WDFY2: variants seen among roughly 807,000 people sequenced by gnomAD.
WDFY2 encodes the protein WD repeat and FYVE domain containing 2.
In WDFY2, 36 loss-of-function variants were observed where a neutral mutation model predicts 56.4. The observed-to-expected ratio is 0.64, with a 90% CI of 0.49 to 0.84. WDFY2 has a LOEUF of 0.84. Among genes scored for constraint, WDFY2 ranks in the 40% least tolerant of loss-of-function variants. The pLI is 0.00. For synonymous variants in WDFY2, 176 were observed against 183.7 expected, an observed-to-expected ratio of 0.96 and a Z score of 0.34; for missense variants, 444 against 512.2, an observed-to-expected ratio of 0.87 and a Z score of 1.29.
intron 1 of WDFY2, among the ~76,000 whole-genome samples, chr13:51,653,148 A>T (rs1955432832): frequency 6.6e-6 from 1 of 152,052 alleles, no homozygotes; most frequent in Admixed American, 6.5e-5. Context: ...GCTTCATTTC[A>T]TTCACTTGAT....
chr13:51,624,564 C>T (rs927267858), intron 1 of WDFY2, among the ~76,000 whole-genome samples: 7 of 152,164 alleles, frequency 4.6e-5, no homozygotes, highest in African/African-American at 7.2e-5. Flanking sequence ...CACCATGGAG[C>T]TTATGTTCTT....
At chr13:51,692,766 G>A (rs1406878599) in intron 3 of WDFY2, among the ~76,000 whole-genome samples, 10 of 152,100 alleles carry the variant, frequency 6.6e-5, no homozygotes, top group Non-Finnish European at 1.3e-4. Context: ...TTCAGAAGGA[G>A]TGGTACCAGT....
intron 1 of WDFY2, among the ~76,000 whole-genome samples, chr13:51,651,953 C>G (rs998066502): frequency 6.6e-6 from 1 of 152,096 alleles, no homozygotes; most frequent in Non-Finnish European, 1.5e-5. Context: ...CCTGGATATC[C>G]TTGTTAACTT....
At chr13:51,728,650 G>T (rs1312929022) in intron 6 of WDFY2, among the ~76,000 whole-genome samples, 2 of 151,920 alleles carry the variant, frequency 1.3e-5, no homozygotes, top group Non-Finnish European at 2.9e-5. Flanking sequence ...GCTTCCTAAA[G>T]GGAAAAAATG....
intron 3 of WDFY2, among the ~76,000 whole-genome samples, chr13:51,692,365 C>A (rs191207675): frequency 8.5e-4 from 129 of 152,272 alleles, no homozygotes; most frequent in African/African-American, 3.0e-3. Flanking sequence ...TGAAATACGT[C>A]CCATCAATAC....
At chr13:51,604,971 CA>C (rs1328959093) in intron 1 of WDFY2, among the ~76,000 whole-genome samples, 1 of 152,210 alleles carries the variant, frequency 6.6e-6, no homozygotes, top group East Asian at 1.9e-4. Flanking sequence ...TGTATGCTCT[CA>C]GACAAGGTAC....
intron 3 of WDFY2, among the ~76,000 whole-genome samples, chr13:51,692,013 A>G (rs1379759064): frequency 6.6e-6 from 1 of 151,810 alleles, no homozygotes. Flanking sequence ...TTGGTGTATA[A>G]GAATGCTTGT....
chr13:51,624,533 TAAAC>T (rs1203292148), intron 1 of WDFY2, among the ~76,000 whole-genome samples: 1 of 152,182 alleles, frequency 6.6e-6, no homozygotes, highest in Non-Finnish European at 1.5e-5. Flanking sequence ...CTAATATTAG[TAAAC>T]AAACAAAGAT....
At chr13:51,653,929 A>G (rs1314252743) in intron 1 of WDFY2, among the ~76,000 whole-genome samples, 1 of 152,202 alleles carries the variant, frequency 6.6e-6, no homozygotes, top group African/African-American at 2.4e-5. Context: ...ACTCTCTTCA[A>G]GGCTGTCAGA....
chr13:51,605,142 G>C lies in WDFY2; in HGVS notation c.137+20318G>C, dbSNP rs189568339. On this transcript the variant is annotated intron_variant, in intron 1 of 11. Coordinates refer to ENST00000298125, the MANE Select transcript of WDFY2 (RefSeq NM_052950.4). ...CACTGAGGAATGGCCATCAGGGAAG[G>C]CCTTGGAAAGAGATGGGTGCTCACT... Among the ~76,000 whole-genome samples the C allele has an allele frequency of 1.0e-3, 154 of 152,344 alleles. 1 individual carries two copies. The highest frequency in any genetic ancestry group is 3.7e-3 in the African/African-American group (152 of 41,582).
chr13:51,608,555 G>A (rs1214590050), intron 1 of WDFY2, among the ~76,000 whole-genome samples: 1 of 152,210 alleles, frequency 6.6e-6, no homozygotes, highest in Admixed American at 6.5e-5. Context: ...GGTGGCGCAT[G>A]CCTGTAATCC....
At chr13:51,586,981 T>C (rs959572404) in intron 1 of WDFY2, 7 of 152,246 alleles carry the variant, frequency 4.6e-5, no homozygotes, top group Non-Finnish European at 1.5e-5. Flanking sequence ...CAAAATTCAA[T>C]GTTAATGTCA....
At chr13:51,623,497 C>T (rs769895375) in intron 1 of WDFY2, among the ~76,000 whole-genome samples, 33 of 152,006 alleles carry the variant, frequency 2.2e-4, no homozygotes, top group Non-Finnish European at 4.3e-4. Context: ...TCCTGGATTA[C>T]TGCCTAAGGT....
At chr13:51,642,494 C>T (rs1955186844) in intron 1 of WDFY2, among the ~76,000 whole-genome samples, 1 of 151,800 alleles carries the variant, frequency 6.6e-6, no homozygotes, top group African/African-American at 2.4e-5. Flanking sequence ...GATGGGATTT[C>T]ACCATGTTGC....
At chr13:51,701,520 CAAAAAA>C (rs368134096) in intron 3 of WDFY2, among the ~76,000 whole-genome samples, 2 of 79,570 alleles carry the variant, frequency 2.5e-5, no homozygotes, top group African/African-American at 5.8e-5. Context: ...GATTCCATCT[CAAAAAA>C]AAAAAAAAAA....
rs567164644 is a variant in WDFY2 at position 51,709,978 on chromosome 13, A to C, written c.334+6328A>C. ...GATACCAAAGCCTGGCAGAGACACA[A>C]CAAAAAAAAAGAGAATTTTAGACCA... On this transcript the variant is annotated intron_variant, in intron 4 of 11. Coordinates refer to ENST00000298125, the MANE Select transcript of WDFY2 (RefSeq NM_052950.4). Among the ~76,000 whole-genome samples, 698 of 151,268 alleles carry C rather than the reference A, an allele frequency of 4.6e-3. 4 individuals are homozygous for C. The highest frequency in any genetic ancestry group is 0.016 in the African/African-American group (657 of 40,638).
intron 8 of WDFY2, chr13:51,752,802 T>C (rs1157474930): frequency 6.6e-6 from 1 of 152,226 alleles, no homozygotes; most frequent in African/African-American, 2.4e-5. Flanking sequence ...GTTCCATTCA[T>C]TTTTTTGCAA....
chr13:51,660,726 A>G (rs1955597390), intron 2 of WDFY2, 63 bp downstream of exon 2: 3 of 1,449,254 alleles, frequency 2.1e-6, no homozygotes, highest in Middle Eastern at 1.7e-4. Flanking sequence ...CCTTCTCTGT[A>G]TTTTCTTCTT....
chr13:51,669,840 T>A (rs1955776343), intron 2 of WDFY2, among the ~76,000 whole-genome samples: 1 of 152,222 alleles, frequency 6.6e-6, no homozygotes, highest in Non-Finnish European at 1.5e-5. Flanking sequence ...GTATGGTTAT[T>A]CTCATGGGGA....
Sources: allele counts gnomAD v4.1 joint callset (sites outside exome capture counted in the v4.1 genomes callset), GRCh38; gene constraint gnomAD v4.1.1; transcripts MANE v1.5; gene names NCBI Gene and HGNC (gene_info 2026-07-23, HGNC 2026-07-21).